The following AGBL4 variants were observed in gnomAD, a reference collection of about 807,000 sequenced individuals.
AGBL4 encodes the protein AGBL carboxypeptidase 4, also known as cytosolic carboxypeptidase 6.
AGBL4 carries 58 observed loss-of-function variants against 66.4 expected under a neutral mutation model. The observed-to-expected ratio is 0.87, with a 90% CI of 0.71 to 1.09. The LOEUF (loss-of-function observed/expected upper bound fraction) is 1.09, where lower values mean the gene tolerates loss of function less well. AGBL4 is among the 50% of genes least tolerant of loss of function. AGBL4 has a pLI of 0.00. For synonymous variants in AGBL4, 234 were observed against 222.9 expected, an observed-to-expected ratio of 1.05 and a Z score of -0.44; for missense variants, 579 against 631.0, an observed-to-expected ratio of 0.92 and a Z score of 0.88.
chr1:48,836,296 A>AC (rs1491472916), intron 6 of AGBL4, among the ~76,000 whole-genome samples: 1 of 40,336 alleles, frequency 2.5e-5, no homozygotes, highest in Non-Finnish European at 4.7e-5. Context: ...AAGTTTCCTC[A>AC]AAAAAAAAAA....
At chr1:49,599,958 C>T (rs535445575) in intron 3 of AGBL4, among the ~76,000 whole-genome samples, 1 of 152,122 alleles carries the variant, frequency 6.6e-6, no homozygotes, top group Non-Finnish European at 1.5e-5. Flanking sequence ...AATTTGATTG[C>T]TCTGTGGTCT....
At chr1:49,901,677 G>A (rs1429935857) in intron 1 of AGBL4, among the ~76,000 whole-genome samples, 1 of 152,084 alleles carries the variant, frequency 6.6e-6, no homozygotes, top group East Asian at 1.9e-4. Context: ...TTCACAGAAT[G>A]AGAAAAACTA....
At position 49,887,687 on chromosome 1, in the gene AGBL4, A is replaced by T. The variant is rs867613522; in HGVS notation, c.35-36169T>A. Among the ~76,000 whole-genome samples, 10 of 152,298 alleles carry T rather than the reference A, an allele frequency of 6.6e-5. No individual in the cohort carries two copies. In the South Asian group the frequency reaches 1.0e-3, roughly 16 times the overall value. ...TCCAATAAAACTGGACAGCAAATGC[A>T]GTTGGGAGATCAAAACAATAGTCTA... On this transcript the variant is annotated intron_variant, in intron 1 of 13. Transcript: ENST00000371839.
chr1:48,953,186 GAGAA>G (rs1173169052), intron 5 of AGBL4, among the ~76,000 whole-genome samples: 1 of 152,138 alleles, frequency 6.6e-6, no homozygotes, highest in Non-Finnish European at 1.5e-5. Flanking sequence ...TGAAGGTCCA[GAGAA>G]CCAGGCTTAA....
intron 3 of AGBL4, among the ~76,000 whole-genome samples, chr1:49,356,970 G>A (rs1309998232): frequency 2.0e-5 from 3 of 152,196 alleles, no homozygotes; most frequent in Non-Finnish European, 2.9e-5. Context: ...CTCTGACATG[G>A]AATGATGAAC....
intron 4 of AGBL4, among the ~76,000 whole-genome samples, chr1:49,098,973 G>A (rs182561604): frequency 4.6e-5 from 7 of 152,238 alleles, no homozygotes; most frequent in African/African-American, 2.4e-5. Context: ...TTTCCGGCAC[G>A]AGGTCTCAAG....
At chr1:48,545,767 CTGACTCCA>C (rs1557775560) in intron 11 of AGBL4, among the ~76,000 whole-genome samples, 1 of 152,204 alleles carries the variant, frequency 6.6e-6, no homozygotes, top group Non-Finnish European at 1.5e-5. Flanking sequence ...TAAACTTGGA[CTGACTCCA>C]TGACTTCCAT....
intron 4 of AGBL4, among the ~76,000 whole-genome samples, chr1:49,211,483 T>C (rs1448767403): frequency 1.3e-5 from 2 of 152,254 alleles, no homozygotes. Context: ...AGGGTTTTTA[T>C]GAAAATTAAA....
At chr1:48,931,790 T>A (rs1407370219) in intron 5 of AGBL4, among the ~76,000 whole-genome samples, 1 of 152,206 alleles carries the variant, frequency 6.6e-6, no homozygotes, top group Non-Finnish European at 1.5e-5. Flanking sequence ...ATTACAGGCA[T>A]GAGTCACTGT....
At chr1:48,547,136 G>C (rs1328259162) in intron 11 of AGBL4, among the ~76,000 whole-genome samples, 1 of 152,100 alleles carries the variant, frequency 6.6e-6, no homozygotes, top group Non-Finnish European at 1.5e-5. Flanking sequence ...AGAACTCTCG[G>C]CCACCTTAAG....
intron 6 of AGBL4, among the ~76,000 whole-genome samples, chr1:48,697,883 T>A (rs1410783006): frequency 6.6e-6 from 1 of 152,188 alleles, no homozygotes; most frequent in Non-Finnish European, 1.5e-5. Flanking sequence ...AAAAGGTGGC[T>A]GAATATTTGA....
chr1:48,607,171 G>A (rs1645166178), intron 9 of AGBL4, among the ~76,000 whole-genome samples: 1 of 152,090 alleles, frequency 6.6e-6, no homozygotes, highest in East Asian at 1.9e-4. Context: ...TTCTAGGGCT[G>A]TGCTGTATAA....
chr1:48,634,527 A>G lies in AGBL4; in HGVS notation c.917T>C (p.Val306Ala). 1 of 1,605,294 alleles carries G rather than the reference A, an allele frequency of 6.2e-7. No homozygotes were observed. The highest frequency in any genetic ancestry group is 8.5e-7 in the Non-Finnish European group (1 of 1,175,884). Residue 306 changes from valine to alanine, a missense_variant, in exon 9 of 14, where the codon GTG becomes GCG. Val to Ala is a moderately conservative substitution (Grantham distance 64). Coordinates refer to ENST00000371839, the MANE Select transcript of AGBL4 (RefSeq NM_032785.4). Reference protein sequence around the residue: ...SPWVHPTLHGVKQLIVQMYND... With the variant: ...SPWVHPTLHGAKQLIVQMYND... ...GTACATCTGGACGATGAGTTGTTTC[A>G]CTCCATGCAGGGTAGGATGGACCCA...
intron 4 of AGBL4, among the ~76,000 whole-genome samples, chr1:49,087,443 C>G (rs893070381): frequency 1.3e-5 from 2 of 152,118 alleles, no homozygotes; most frequent in African/African-American, 4.8e-5. Context: ...TTTCATAATA[C>G]AATTGCATGT....
At chr1:48,810,006 CA>C (rs1646012637) in intron 6 of AGBL4, among the ~76,000 whole-genome samples, 1 of 152,150 alleles carries the variant, frequency 6.6e-6, no homozygotes, top group Non-Finnish European at 1.5e-5. Context: ...AGCTATAAAG[CA>C]TAGACTTTTC....
chr1:49,862,522 A>G (rs1646599162), intron 1 of AGBL4, among the ~76,000 whole-genome samples: 1 of 152,174 alleles, frequency 6.6e-6, no homozygotes, highest in African/African-American at 2.4e-5. Flanking sequence ...AAAGATATCA[A>G]TATACAAGCA....
At chr1:49,144,377 G>A (rs887315321) in intron 4 of AGBL4, among the ~76,000 whole-genome samples, 1 of 151,520 alleles carries the variant, frequency 6.6e-6, no homozygotes, top group South Asian at 2.1e-4. Context: ...AGGATCAGGG[G>A]TTGCTCTTCT....
chr1:49,948,424 G>T (rs373078395), intron 1 of AGBL4, among the ~76,000 whole-genome samples: 51 of 60,220 alleles, frequency 8.5e-4, no homozygotes, highest in South Asian at 4.7e-3. Flanking sequence ...GATAAATATA[G>T]ATAAATATAT....
chr1:49,843,323 G>GT (rs569340445), intron 2 of AGBL4, among the ~76,000 whole-genome samples: 317 of 134,508 alleles, frequency 2.4e-3, no homozygotes, highest in African/African-American at 8.2e-3. Context: ...TGTGTGTGTG[G>GT]AGATGGGGAC....
Sources: allele counts gnomAD v4.1 joint callset (sites outside exome capture counted in the v4.1 genomes callset), GRCh38; gene constraint gnomAD v4.1.1; transcripts MANE v1.5; gene names NCBI Gene and HGNC (gene_info 2026-07-23, HGNC 2026-07-21).